Variants in RETSAT observed in about 807,000 individuals in gnomAD.
The protein encoded by RETSAT is retinol saturase.
Under a neutral mutation model 61.6 loss-of-function variants are expected in RETSAT, and 35 were observed. The observed-to-expected ratio is 0.57, with a 90% confidence interval of 0.43 to 0.75. RETSAT has a LOEUF of 0.75. Among genes scored for constraint, RETSAT ranks in the 30% least tolerant of loss-of-function variants. The pLI is 0.00. For missense variants in RETSAT, 670 were observed against 759.5 expected, an observed-to-expected ratio of 0.88 and a Z score of 1.38; for synonymous variants, 277 against 310.4, an observed-to-expected ratio of 0.89 and a Z score of 1.13.
rs1368581450 is a variant in RETSAT at position 85,342,970 on chromosome 2, C to T, written c.*272G>A. ...TGGGTGAGGGATGCAGAGCGCCGCTCGTCATGAGACATCAAGCTATCCAAG... is the reference window on the plus strand; with the variant it reads ...TGGGTGAGGGATGCAGAGCGCCGCTTGTCATGAGACATCAAGCTATCCAAG... On this transcript the variant is annotated 3_prime_UTR_variant, in exon 11 of 11. Coordinates refer to ENST00000295802, the MANE Select transcript of RETSAT (RefSeq NM_017750.4). 4 of 351,960 alleles carry T rather than the reference C, an allele frequency of 1.1e-5. No individual in the cohort carries two copies. The highest frequency in any genetic ancestry group is 1.0e-4 in the East Asian group (2 of 20,008). 21.8% of individuals were successfully genotyped at this position (351,960 alleles called of 1,614,324 possible). A position where few individuals can be genotyped will look rare whatever the true frequency, so the allele number is the denominator to read the frequency against.
rs759486233 is a variant in RETSAT, at chr2:85,349,515, C to A, written c.866G>T (p.Gly289Val). 6.2e-7 allele frequency: 1 copy of A among 1,614,078 alleles called. No homozygotes were observed. Among genetic ancestry groups the A allele is most frequent in the East Asian group, 2.2e-5 (1 of 44,894 alleles). The change falls in exon 5 of 11, where the codon GGC becomes GTC. Residue 289 changes from glycine to valine, a missense_variant. Transcript: ENST00000295802. The stretch of plus-strand genomic sequence containing the variant: ...ACTGGAACCCCCTCGGGGATAAAAG[C>A]CTCCTTTCATGTAGTGGTTGACCAG... The part of the protein sequence containing the change: ...ALLVNHYMKG[G>V]FYPRGGSSEI...
intron 4 of RETSAT, 97 bp from the exon 5 acceptor site, chr2:85,349,678 C>A: frequency 9.5e-7 from 1 of 1,056,948 alleles, no homozygotes; most frequent in Non-Finnish European, 1.4e-6. Context: ...ACAGCCCAGT[C>A]TATCCGAGGA....
chr2:85,353,810 A>G (rs1683365282), intron 1 of RETSAT, among the ~76,000 whole-genome samples: 2 of 152,228 alleles, frequency 1.3e-5, no homozygotes, highest in Non-Finnish European at 2.9e-5. Flanking sequence ...ATGAGAGTGG[A>G]GAGCAGGCTC....
At chr2:85,349,246 C>T in intron 5 of RETSAT, 138 bp downstream of exon 5, 1 of 756,854 alleles carries the variant, frequency 1.3e-6, no homozygotes, top group East Asian at 2.5e-5. Flanking sequence ...ATCCCTGGAC[C>T]CTGCTCTGGG....
rs1243371524 is a variant in RETSAT, at chr2:85,343,455, T to G, written c.1694-74A>C. ...GGGGAGGGTGGGGCCTTGGTGCTCT[T>G]CCCTCCACATGAGGGCCACCCAGAG... On this transcript the variant is annotated intron_variant, in intron 10 of 10. Transcript: ENST00000295802. 2.6e-6 allele frequency: 4 copies of G among 1,563,684 alleles called. No homozygotes were observed. The African/African-American group carries it at 4.1e-5, about 16-fold the overall frequency.
intron 1 of RETSAT, among the ~76,000 whole-genome samples, chr2:85,353,276 A>G (rs1289819111): frequency 6.6e-6 from 1 of 152,226 alleles, no homozygotes; most frequent in East Asian, 1.9e-4. Flanking sequence ...AACATGGTGA[A>G]ACCCTGTCTC....
At chr2:85,347,751 C>T (rs1683225646) in intron 5 of RETSAT, among the ~76,000 whole-genome samples, 1 of 152,216 alleles carries the variant, frequency 6.6e-6, no homozygotes, top group Admixed American at 6.5e-5. Context: ...TGATACCTTG[C>T]TTCCTGGACC....
intron 1 of RETSAT, among the ~76,000 whole-genome samples, chr2:85,352,122 A>T (rs1391094622): frequency 6.6e-6 from 1 of 152,216 alleles, no homozygotes; most frequent in African/African-American, 2.4e-5. Context: ...TGATGTGATC[A>T]CAGCTCACTG....
At chr2:85,346,760 AAATG>A (rs764666630) in intron 5 of RETSAT, among the ~76,000 whole-genome samples, 10 of 152,182 alleles carry the variant, frequency 6.6e-5, no homozygotes, top group African/African-American at 1.9e-4. Flanking sequence ...TATCTAAAAA[AAATG>A]AATGAATGAA....
At chr2:85,347,843 G>A (rs1056413091) in intron 5 of RETSAT, among the ~76,000 whole-genome samples, 2 of 152,112 alleles carry the variant, frequency 1.3e-5, no homozygotes, top group South Asian at 2.1e-4. Context: ...CTTACCACCC[G>A]GTAACTTATC....
chr2:85,347,205 A>G (rs1683217016), intron 5 of RETSAT, among the ~76,000 whole-genome samples: 1 of 151,934 alleles, frequency 6.6e-6, no homozygotes, highest in Non-Finnish European at 1.5e-5. Flanking sequence ...CATCCTTAGC[A>G]CACGCCTCCA....
In RETSAT at chr2:85,349,567, G is replaced by A. The variant is rs143997622; in HGVS notation, c.814C>T (p.His272Tyr). 178 of 1,614,140 alleles carry A rather than the reference G, an allele frequency of 1.1e-4. 1 individual carries two copies. In the African/African-American group the frequency reaches 2.2e-3, roughly 20 times the overall value. Residue 272 changes from histidine (H) to tyrosine (Y), a missense_variant, in exon 5 of 11, where the codon CAC (histidine) becomes TAC (tyrosine). His to Tyr is a moderately conservative substitution (Grantham distance 83). Coordinates refer to ENST00000295802, the MANE Select transcript of RETSAT (RefSeq NM_017750.4). ...AGGGCGTGCATGGAAAAGGCACTGTGGTTGGGGGTGACACCTGCAGAAGCA... is the reference window on the plus strand; with the variant it reads ...AGGGCGTGCATGGAAAAGGCACTGTAGTTGGGGGTGACACCTGCAGAAGCA... ...IFPTYGVTPN[H>Y]SAFSMHALLV...
In RETSAT at chr2:85,344,197, G is replaced by A. The variant is rs144484565; in HGVS notation, c.1367-32C>T. The A allele has an allele frequency of 9.7e-4, 1,566 of 1,614,000 alleles. 20 individuals carry two copies. The African/African-American group carries it at 0.018, about 19-fold the overall frequency. ...ATCAGAGCTGATATTACTACTGCCC[G>A]GCCTCTCCCTCCACCCCCTCACCCG... On this transcript the variant is annotated intron_variant, in intron 8 of 10. Coordinates refer to ENST00000295802, the MANE Select transcript of RETSAT (RefSeq NM_017750.4).
chr2:85,350,173 G>A lies in RETSAT; in HGVS notation c.666C>T (p.Leu222=), dbSNP rs147070562. The change falls in exon 4 of 11, where the codon CTC becomes CTT. Residue 222 remains leucine (L), a synonymous_variant. Coordinates refer to ENST00000295802, the MANE Select transcript of RETSAT (RefSeq NM_017750.4). ...KFLPLPVVQL[L]DRCGLLTRFS... ...AACGAGTCAGCAGCCCACACCTGTC[G>A]AGGAGCTGAACCACGGGCAATGGGA... 99 of 1,613,932 alleles carry A rather than the reference G, an allele frequency of 6.1e-5. No homozygotes were observed. Among genetic ancestry groups the A allele is most frequent in the African/African-American group, 2.4e-4 (18 of 75,000 alleles).
At position 85,342,089 on chromosome 2, in the gene RETSAT, T is replaced by G; in HGVS notation, c.*1153A>C. 5.3e-6 allele frequency: 2 copies of G among 377,384 alleles called. No individual in the cohort carries two copies. Among genetic ancestry groups the G allele is most frequent in the South Asian group, 5.4e-5 (1 of 18,514 alleles). 23.4% of individuals were successfully genotyped at this position (377,384 alleles called of 1,614,324 possible). A position where few individuals can be genotyped will look rare whatever the true frequency, so the allele number is the denominator to read the frequency against. On this transcript the variant is annotated 3_prime_UTR_variant, in exon 11 of 11. Transcript: ENST00000295802. The stretch of plus-strand genomic sequence containing the variant: ...TCTTGAACAAAAAACCAAAATAAAT[T>G]TCAAATGTTAAAGCAATGGAATCAA...
At chr2:85,353,439 A>G (rs1347298700) in intron 1 of RETSAT, among the ~76,000 whole-genome samples, 1 of 152,276 alleles carries the variant, frequency 6.6e-6, no homozygotes, top group African/African-American at 2.4e-5. Context: ...GTTTCAATAA[A>G]TAAATAAATA....
chr2:85,354,375 C>T lies in RETSAT; in HGVS notation c.133G>A (p.Val45Ile). The T allele has an allele frequency of 6.2e-7, 1 of 1,614,236 alleles. No individual in the cohort carries two copies. The highest frequency in any genetic ancestry group is 1.1e-5 in the South Asian group (1 of 91,088). The change falls in exon 1 of 11, where the codon GTA becomes ATA. Residue 45 changes from valine to isoleucine, a missense_variant. By Grantham distance (29) the Val-to-Ile change is conservative. Coordinates refer to ENST00000295802, the MANE Select transcript of RETSAT (RefSeq NM_017750.4). ...EDVKRPPAPL[V>I]TDKEARKKVL... ...TTCTTCCTGGCCTCCTTGTCAGTTACCAGGGGCGCTGGGGGCCGTTTGACA... is the reference window on the plus strand; with the variant it reads ...TTCTTCCTGGCCTCCTTGTCAGTTATCAGGGGCGCTGGGGGCCGTTTGACA...
chr2:85,348,148 C>A (rs1011112610), intron 5 of RETSAT, among the ~76,000 whole-genome samples: 2 of 152,158 alleles, frequency 1.3e-5, no homozygotes, highest in African/African-American at 4.8e-5. Context: ...ACAGCATCAA[C>A]CTGAGCCAGG....
At chr2:85,354,282 A>G (rs1239110352) in intron 1 of RETSAT, 54 bp downstream of exon 1, 12 of 1,603,918 alleles carry the variant, frequency 7.5e-6, no homozygotes, top group Non-Finnish European at 9.4e-6. Flanking sequence ...TGAGAACCCA[A>G]ATCTGTGAGA....
Sources: gnomAD v4.1 joint callset for allele counts (sites outside exome capture counted in the v4.1 genomes callset) on GRCh38, gnomAD v4.1.1 for gene constraint, MANE v1.5 for transcripts, NCBI Gene and HGNC (gene_info 2026-07-23, HGNC 2026-07-21) for gene names.